Variants in WWC1 observed in about 807,000 individuals in gnomAD.
WWC1 encodes protein KIBRA.
In WWC1, 55 loss-of-function variants were observed where a neutral mutation model predicts 138.4. The observed-to-expected ratio is 0.40, with a 90% CI of 0.32 to 0.50. The LOEUF (loss-of-function observed/expected upper bound fraction) is 0.50, where lower values mean the gene tolerates loss of function less well. Among genes scored for constraint, WWC1 ranks in the 20% least tolerant of loss-of-function variants. The pLI is 0.72. For synonymous variants in WWC1, 524 were observed against 564.9 expected (o/e 0.93, Z 1.03); for missense variants, 1,226 against 1,420.4 (o/e 0.86, Z 2.20).
At chr5:168,431,475 TGGCTG>T in intron 15 of WWC1, 31 bp downstream of exon 15, 1 of 1,522,286 alleles carries the variant, frequency 6.6e-7, no homozygotes, top group Non-Finnish European at 8.9e-7. Context: ...GCTGGCTGGC[TGGCTG>T]GCTGGCTGGC....
intron 8 of WWC1, chr5:168,410,295 C>T (rs1780123780): frequency 2.8e-6 from 1 of 362,514 alleles, no homozygotes; most frequent in Non-Finnish European, 5.2e-6. Context: ...GAGGCTTTCC[C>T]ATGATCCTGT....
chr5:168,415,630 C>G (rs1006483233), intron 9 of WWC1: 1 of 152,152 alleles, frequency 6.6e-6, no homozygotes, highest in African/African-American at 2.4e-5. Flanking sequence ...ATTGTGTGTG[C>G]AAGGCAATTT....
chr5:168,425,112 G>T (rs1465657997), intron 11 of WWC1, among the ~76,000 whole-genome samples: 1 of 152,216 alleles, frequency 6.6e-6, no homozygotes, highest in South Asian at 2.1e-4. Flanking sequence ...ATTCAGAGAG[G>T]TGATGTCACT....
At position 168,399,054 on chromosome 5, in the gene WWC1, G is replaced by A. The variant is rs1779122160; in HGVS notation, c.511-434G>A. 3.9e-5 allele frequency among the ~76,000 whole-genome samples: 6 copies of A among 152,140 alleles called. No individual in the cohort carries two copies. The South Asian group carries it at 1.2e-3, about 32-fold the overall frequency. ...TTACTAAGTTGCCTCTTGCCTCCAC[G>A]TGAAGCACTCTCATAGCCTTTGCCA... On this transcript the variant is annotated intron_variant, in intron 4 of 22. Coordinates refer to ENST00000265293, the MANE Select transcript of WWC1 (RefSeq NM_015238.3).
At chr5:168,305,190 ACTC>A (rs2152743990) in intron 1 of WWC1, among the ~76,000 whole-genome samples, 1 of 148,512 alleles carries the variant, frequency 6.7e-6, no homozygotes, top group African/African-American at 2.5e-5. Context: ...CTGGTCTCAA[ACTC>A]CTGACCTCAG....
chr5:168,307,368 C>G (rs1770668170), intron 1 of WWC1, among the ~76,000 whole-genome samples: 1 of 152,180 alleles, frequency 6.6e-6, no homozygotes, highest in African/African-American at 2.4e-5. Context: ...ACTAGAGCGT[C>G]TTTCACTGCT....
chr5:168,332,535 A>G (rs1415231191), intron 1 of WWC1, among the ~76,000 whole-genome samples: 1 of 152,164 alleles, frequency 6.6e-6, no homozygotes, highest in Non-Finnish European at 1.5e-5. Context: ...GTGCACATGC[A>G]TGTGTGCTGG....
At chr5:168,313,748 G>GT (rs1236811680) in intron 1 of WWC1, among the ~76,000 whole-genome samples, 1 of 151,764 alleles carries the variant, frequency 6.6e-6, no homozygotes, top group African/African-American at 2.4e-5. Context: ...TTTTTCTTTT[G>GT]TGGCTGCCTG....
At chr5:168,409,635 T>C (rs1303333506) in intron 7 of WWC1, among the ~76,000 whole-genome samples, 3 of 152,206 alleles carry the variant, frequency 2.0e-5, no homozygotes, top group African/African-American at 7.2e-5. Context: ...GTGGCTTGAA[T>C]GGGCACCAAG....
At chr5:168,338,548 A>G (rs1301795281) in intron 1 of WWC1, among the ~76,000 whole-genome samples, 1 of 151,420 alleles carries the variant, frequency 6.6e-6, no homozygotes, top group Non-Finnish European at 1.5e-5. Flanking sequence ...AGTAGCTGAG[A>G]TTACAGGCAT....
chr5:168,335,221 C>A (rs892053566), intron 1 of WWC1, among the ~76,000 whole-genome samples: 4 of 152,178 alleles, frequency 2.6e-5, no homozygotes, highest in Non-Finnish European at 2.9e-5. Context: ...GCATTGCACA[C>A]CCTAGAGGAG....
chr5:168,298,551 A>G (rs539304115), intron 1 of WWC1, among the ~76,000 whole-genome samples: 120 of 152,284 alleles, frequency 7.9e-4, no homozygotes, highest in African/African-American at 2.8e-3. Flanking sequence ...CATGCCTGGG[A>G]ACATCCTATG....
At chr5:168,301,275 G>A (rs1256068281) in intron 1 of WWC1, among the ~76,000 whole-genome samples, 1 of 152,204 alleles carries the variant, frequency 6.6e-6, no homozygotes, top group African/African-American at 2.4e-5. Flanking sequence ...ACGATTCCCT[G>A]TAGTAGATAA....
intron 1 of WWC1, among the ~76,000 whole-genome samples, chr5:168,320,965 G>A (rs1772022181): frequency 2.0e-5 from 3 of 152,342 alleles, no homozygotes; most frequent in South Asian, 4.1e-4. Flanking sequence ...AACGATTAGA[G>A]CCAATAGCCA....
chr5:168,358,199 G>T (rs998864), intron 1 of WWC1, among the ~76,000 whole-genome samples: 16,761 of 152,238 alleles, frequency 0.11, 1,390 homozygotes, highest in African/African-American at 0.23. Flanking sequence ...GCCCTGATAG[G>T]ACACCTTTGG....
intron 20 of WWC1, 51 bp downstream of exon 20, chr5:168,460,793 C>T (rs1756738006): frequency 1.9e-6 from 3 of 1,583,616 alleles, no homozygotes; most frequent in African/African-American, 1.3e-5. Flanking sequence ...CCCTCGTTGC[C>T]CCAAGCCCTG....
At chr5:168,419,256 C>T (rs1780895572) in intron 9 of WWC1, among the ~76,000 whole-genome samples, 1 of 152,184 alleles carries the variant, frequency 6.6e-6, no homozygotes, top group African/African-American at 2.4e-5. Context: ...ATCCCCTCTT[C>T]AGCAGGTTGA....
intron 3 of WWC1, among the ~76,000 whole-genome samples, chr5:168,395,335 CTG>C (rs1415690001): frequency 6.6e-6 from 1 of 152,208 alleles, no homozygotes; most frequent in East Asian, 1.9e-4. Flanking sequence ...GAGGACGTTT[CTG>C]TGTGTCTTCC....
chr5:168,442,031 C>G (rs1296967403), intron 16 of WWC1, among the ~76,000 whole-genome samples, 197 bp downstream of exon 16: 1 of 152,222 alleles, frequency 6.6e-6, no homozygotes, highest in Non-Finnish European at 1.5e-5. Context: ...TGTTCCCTTC[C>G]ACATCTGTGT....
Sources: allele counts gnomAD v4.1 joint callset (sites outside exome capture counted in the v4.1 genomes callset), GRCh38; gene constraint gnomAD v4.1.1; transcripts MANE v1.5; gene names NCBI Gene and HGNC (gene_info 2026-07-23, HGNC 2026-07-21).